CAMKMT: variants seen among roughly 807,000 people sequenced by gnomAD.
CAMKMT encodes calmodulin-lysine N-methyltransferase.
A neutral mutation model predicts 48.0 loss-of-function variants in CAMKMT; 53 were observed. The observed-to-expected ratio is 1.10, with a 90% confidence interval of 0.89 to 1.39. CAMKMT has a LOEUF of 1.39. Ranked by LOEUF, CAMKMT falls within the 40% of genes most tolerant of loss-of-function variation. The pLI is 0.00. For missense variants in CAMKMT, 428 were observed against 402.7 expected, an observed-to-expected ratio of 1.06 and a Z score of -0.54; for synonymous variants, 165 against 152.3, an observed-to-expected ratio of 1.08 and a Z score of -0.61.
intron 8 of CAMKMT, among the ~76,000 whole-genome samples, chr2:44,744,812 C>T (rs1220058178): frequency 6.6e-6 from 1 of 152,006 alleles, no homozygotes; most frequent in Non-Finnish European, 1.5e-5. Flanking sequence ...AACACTTCTC[C>T]ATGAAAAATA....
At chr2:44,745,186 C>A (rs1179841718) in intron 8 of CAMKMT, among the ~76,000 whole-genome samples, 2 of 152,128 alleles carry the variant, frequency 1.3e-5, no homozygotes, top group African/African-American at 4.8e-5. Context: ...AAGCTTTAGA[C>A]AAGGGTCACA....
intron 2 of CAMKMT, among the ~76,000 whole-genome samples, chr2:44,378,174 C>T (rs1184954748): frequency 6.6e-6 from 1 of 152,080 alleles, no homozygotes; most frequent in Non-Finnish European, 1.5e-5. Context: ...CTGTGAATTC[C>T]ATTGTGTCAC....
rs140252541 is a variant in CAMKMT, at chr2:44,487,204, A to G, written c.376+96899A>G. ...ACTGTTAGAACAAACTACTTTTCTC[A>G]GAGTAACATTGTGCTCATCTTTAAG... On this transcript the variant is annotated intron_variant, in intron 3 of 10. Transcript: ENST00000378494. Among the ~76,000 whole-genome samples the G allele has an allele frequency of 3.3e-5, 5 of 152,292 alleles. No homozygotes were observed. In the East Asian group the frequency reaches 9.6e-4, roughly 29 times the overall value.
At chr2:44,526,551 G>A (rs1671413075) in intron 3 of CAMKMT, among the ~76,000 whole-genome samples, 1 of 152,136 alleles carries the variant, frequency 6.6e-6, no homozygotes, top group Non-Finnish European at 1.5e-5. Flanking sequence ...TGTAAGTCCT[G>A]GTCTGAGTCC....
At chr2:44,743,535 G>A (rs1679792883) in intron 7 of CAMKMT, 87 bp from the exon 8 acceptor site, 1 of 869,356 alleles carries the variant, frequency 1.2e-6, no homozygotes, top group Non-Finnish European at 1.8e-6. Flanking sequence ...ATAATTTCAA[G>A]TGCCACAAAA....
chr2:44,481,019 A>G (rs1668941320), intron 3 of CAMKMT, among the ~76,000 whole-genome samples: 1 of 151,670 alleles, frequency 6.6e-6, no homozygotes, highest in Non-Finnish European at 1.5e-5. Flanking sequence ...GTGTGTGTGT[A>G]TGTATATATG....
At chr2:44,482,882 C>T (rs1669041290) in intron 3 of CAMKMT, among the ~76,000 whole-genome samples, 1 of 152,110 alleles carries the variant, frequency 6.6e-6, no homozygotes. Flanking sequence ...TCTTCATGTG[C>T]ATCTAGTTTC....
At chr2:44,380,729 G>C (rs1369020463) in intron 2 of CAMKMT, among the ~76,000 whole-genome samples, 2 of 152,056 alleles carry the variant, frequency 1.3e-5, no homozygotes, top group South Asian at 4.2e-4. Context: ...CATCTTTTAG[G>C]GTTTTTAAAC....
At chr2:44,497,076 CT>C (rs1669784256) in intron 3 of CAMKMT, among the ~76,000 whole-genome samples, 1 of 152,078 alleles carries the variant, frequency 6.6e-6, no homozygotes, top group East Asian at 1.9e-4. Flanking sequence ...AGTTATTATT[CT>C]TTTGTTAAAA....
chr2:44,426,014 A>AG (rs779411862), intron 3 of CAMKMT, among the ~76,000 whole-genome samples: 2 of 152,338 alleles, frequency 1.3e-5, no homozygotes, highest in Non-Finnish European at 2.9e-5. Context: ...TACAGGCGTG[A>AG]GCCACTGTGC....
At chr2:44,449,772 AC>A (rs1189183305) in intron 3 of CAMKMT, among the ~76,000 whole-genome samples, 2 of 152,156 alleles carry the variant, frequency 1.3e-5, no homozygotes, top group African/African-American at 4.8e-5. Flanking sequence ...TAACACTTTC[AC>A]AAGTAAAAGG....
chr2:44,660,856 A>G (rs1183969429), intron 3 of CAMKMT, among the ~76,000 whole-genome samples: 1 of 151,992 alleles, frequency 6.6e-6, no homozygotes, highest in Non-Finnish European at 1.5e-5. Context: ...TGATCCTCCC[A>G]TCTTGGCCTC....
intron 3 of CAMKMT, among the ~76,000 whole-genome samples, chr2:44,584,759 T>TA (rs1386239443): frequency 1.3e-5 from 2 of 151,592 alleles, no homozygotes; most frequent in African/African-American, 2.4e-5. Context: ...ATGAAATAAT[T>TA]AAAAAAAATA....
At chr2:44,624,074 G>A (rs922076934) in intron 3 of CAMKMT, among the ~76,000 whole-genome samples, 1 of 152,038 alleles carries the variant, frequency 6.6e-6, no homozygotes, top group African/African-American at 2.4e-5. Context: ...ACAAAAATTG[G>A]CAAGTGGGAC....
chr2:44,416,783 C>G (rs1176524071), intron 3 of CAMKMT, among the ~76,000 whole-genome samples: 3 of 151,786 alleles, frequency 2.0e-5, no homozygotes, highest in Non-Finnish European at 4.4e-5. Context: ...CTATGTTGGC[C>G]AGGCTGGTCT....
Position 44,362,038 on chromosome 2 carries a change from G to T in CAMKMT, c.31G>T (p.Gly11Cys). 2.1e-6 allele frequency: 3 copies of T among 1,425,768 alleles called. No homozygotes were observed. The highest frequency in any genetic ancestry group is 2.7e-6 in the Non-Finnish European group (3 of 1,095,532). 88.3% of individuals were successfully genotyped at this position (1,425,768 alleles called of 1,614,324 possible). MESRVADAGTGETARAAGGSP... is the reference protein window; with the variant it reads MESRVADAGTCETARAAGGSP... Reference sequence around the variant, plus strand: ...GTCGCGAGTCGCGGACGCTGGGACCGGCGAGACCGCGCGAGCAGCGGGCGG... The same window carrying T: ...GTCGCGAGTCGCGGACGCTGGGACCTGCGAGACCGCGCGAGCAGCGGGCGG... The change falls in exon 1 of 11, where the codon GGC (glycine) becomes TGC (cysteine). Residue 11 changes from glycine (G) to cysteine (C), a missense_variant. By Grantham distance (159) the Gly-to-Cys change is radical. Transcript: ENST00000378494.
intron 7 of CAMKMT, among the ~76,000 whole-genome samples, chr2:44,721,518 A>T (rs571002247): frequency 6.6e-6 from 1 of 152,330 alleles, no homozygotes; most frequent in African/African-American, 2.4e-5. Context: ...ATAACAAATT[A>T]TCTGAGATTT....
At chr2:44,684,229 T>C (rs1320447925) in intron 3 of CAMKMT, among the ~76,000 whole-genome samples, 1 of 152,224 alleles carries the variant, frequency 6.6e-6, no homozygotes, top group Non-Finnish European at 1.5e-5. Context: ...TTCTCCGTTC[T>C]CAACAACTCA....
chr2:44,381,340 C>T (rs1348017152), intron 2 of CAMKMT, among the ~76,000 whole-genome samples: 1 of 151,972 alleles, frequency 6.6e-6, no homozygotes. Context: ...CATGTTATTT[C>T]TACTTGTTTC....
Sources: allele counts gnomAD v4.1 joint callset (sites outside exome capture counted in the v4.1 genomes callset), GRCh38; gene constraint gnomAD v4.1.1; transcripts MANE v1.5; gene names NCBI Gene and HGNC (gene_info 2026-07-23, HGNC 2026-07-21).